The following KCNMA1 variants were observed in gnomAD, a reference collection of about 807,000 sequenced individuals.
KCNMA1 encodes the protein Calcium-activated potassium channel subunit alpha-1.
Under a neutral mutation model 140.0 loss-of-function variants are expected in KCNMA1, and 29 were observed. That is an observed-to-expected ratio of 0.21 (90% confidence interval 0.15 to 0.28). The LOEUF is 0.28. Ranked by LOEUF, KCNMA1 falls within the 10% of genes least tolerant of loss-of-function variation. KCNMA1 has a pLI of 1.00. For synonymous variants in KCNMA1, 612 were observed against 611.9 expected (o/e 1.00, Z 0.00); for missense variants, 880 against 1,602.2 (o/e 0.55, Z 7.70).
At chr10:77,217,048 T>C (rs1260050804) in intron 3 of KCNMA1, among the ~76,000 whole-genome samples, 4 of 152,200 alleles carry the variant, frequency 2.6e-5, no homozygotes, top group Non-Finnish European at 5.9e-5. Context: ...CTCACGCTTT[T>C]AATCCCAGCA....
intron 1 of KCNMA1, among the ~76,000 whole-genome samples, chr10:77,411,400 T>G (rs986218524): frequency 2.6e-5 from 4 of 152,178 alleles, no homozygotes; most frequent in Admixed American, 6.5e-5. Flanking sequence ...ATAGTACTAC[T>G]AACAATAATT....
intron 15 of KCNMA1, among the ~76,000 whole-genome samples, chr10:77,033,511 T>C (rs1325552837): frequency 6.6e-6 from 1 of 152,000 alleles, no homozygotes; most frequent in Non-Finnish European, 1.5e-5. Flanking sequence ...GACACTAGAA[T>C]TTATAAATAC....
At chr10:77,551,566 C>A in intron 1 of KCNMA1, among the ~76,000 whole-genome samples, 1 of 152,230 alleles carries the variant, frequency 6.6e-6, no homozygotes, top group East Asian at 1.9e-4. Context: ...CTCCATGTGG[C>A]CAGGAACCGT....
At chr10:77,243,548 C>G (rs144313851) in intron 3 of KCNMA1, among the ~76,000 whole-genome samples, 8 of 152,260 alleles carry the variant, frequency 5.3e-5, no homozygotes, top group African/African-American at 1.9e-4. Context: ...CCAAAGCATT[C>G]TTTTTAAGTT....
intron 2 of KCNMA1, among the ~76,000 whole-genome samples, chr10:77,397,101 C>G (rs2096080749): frequency 6.6e-6 from 1 of 152,112 alleles, no homozygotes; most frequent in South Asian, 2.1e-4. Flanking sequence ...TATGAACATG[C>G]AGAAACTAAG....
downstream of KCNMA1, chr10:76,884,837 C>G (rs2036140129): frequency 1.6e-5 from 19 of 1,175,762 alleles, no homozygotes; most frequent in South Asian, 3.6e-4. Context: ...AAACCACAAA[C>G]AGAACAATAT....
At chr10:77,594,786 A>G (rs2080294080) in intron 1 of KCNMA1, among the ~76,000 whole-genome samples, 1 of 152,224 alleles carries the variant, frequency 6.6e-6, no homozygotes, top group African/African-American at 2.4e-5. Flanking sequence ...TCTGGCCAGC[A>G]GAATGTGGGC....
intron 1 of KCNMA1, among the ~76,000 whole-genome samples, chr10:77,476,268 A>G (rs149772377): frequency 6.6e-6 from 1 of 152,332 alleles, no homozygotes; most frequent in East Asian, 1.9e-4. Context: ...CAAAGGGGAC[A>G]CATTATAAAT....
intron 23 of KCNMA1, among the ~76,000 whole-genome samples, chr10:76,933,366 G>T (rs1234826713): frequency 1.3e-5 from 2 of 152,202 alleles, no homozygotes; most frequent in African/African-American, 4.8e-5. Context: ...TGGCGAGCAT[G>T]AAGAGGTCAG....
At chr10:76,987,061 CTTT>C (rs36062874) in intron 19 of KCNMA1, among the ~76,000 whole-genome samples, 38 of 139,732 alleles carry the variant, frequency 2.7e-4, no homozygotes, top group Non-Finnish European at 3.1e-4. Context: ...AGCCTTGAGA[CTTT>C]TTTTTTTTTT....
intron 20 of KCNMA1, among the ~76,000 whole-genome samples, chr10:76,963,220 G>A (rs1328551543): frequency 6.6e-6 from 1 of 152,164 alleles, no homozygotes; most frequent in Non-Finnish European, 1.5e-5. Flanking sequence ...TCCTCTCACT[G>A]TTCTGATTCT....
intron 19 of KCNMA1, among the ~76,000 whole-genome samples, chr10:76,971,272 A>T (rs1217273834): frequency 6.6e-6 from 1 of 152,196 alleles, no homozygotes; most frequent in African/African-American, 2.4e-5. Context: ...ATCAAAAGAG[A>T]CTTGATATAT....
At chr10:77,096,889 C>A (rs995191006) in intron 9 of KCNMA1, among the ~76,000 whole-genome samples, 1 of 152,158 alleles carries the variant, frequency 6.6e-6, no homozygotes, top group African/African-American at 2.4e-5. Context: ...TCCCAAAATG[C>A]ATCTCACCAT....
intron 2 of KCNMA1, among the ~76,000 whole-genome samples, chr10:77,348,187 A>T (rs1332759028): frequency 1.1e-4 from 17 of 152,330 alleles, no homozygotes; most frequent in Non-Finnish European, 1.3e-4. Flanking sequence ...CGAGGAAACC[A>T]TCAAGAGGGA....
At chr10:77,346,747 C>T (rs937407840) in intron 2 of KCNMA1, among the ~76,000 whole-genome samples, 1 of 152,180 alleles carries the variant, frequency 6.6e-6, no homozygotes, top group Admixed American at 6.5e-5. Flanking sequence ...CAATGGGCCA[C>T]CATCTGTGGC....
intron 2 of KCNMA1, among the ~76,000 whole-genome samples, chr10:77,278,949 C>T (rs1037779160): frequency 2.0e-5 from 3 of 152,078 alleles, no homozygotes; most frequent in Non-Finnish European, 4.4e-5. Context: ...TGAAAATACA[C>T]CTGAAGATCC....
chr10:77,633,269 C>G (rs1342392058), intron 1 of KCNMA1, among the ~76,000 whole-genome samples: 1 of 151,996 alleles, frequency 6.6e-6, no homozygotes, highest in South Asian at 2.1e-4. Context: ...GAGCCAAGAT[C>G]GTGCCGCTGC....
chr10:77,604,046 C>T lies in KCNMA1; in HGVS notation c.378+33219G>A, dbSNP rs147554249. 4.2e-3 allele frequency among the ~76,000 whole-genome samples: 637 copies of T among 152,362 alleles called. 1 individual carries two copies. Among genetic ancestry groups the T allele is most frequent in the Non-Finnish European group, 6.4e-3 (434 of 68,032 alleles). On this transcript the variant is annotated intron_variant, in intron 1 of 27. Transcript: ENST00000286628. ...CTGGGGACCAACTAACACTATCTTTCCTAGGGAGCCACTGGCATCTGAGGC... is the reference window on the plus strand; with the variant it reads ...CTGGGGACCAACTAACACTATCTTTTCTAGGGAGCCACTGGCATCTGAGGC...
At chr10:77,181,769 G>A (rs2098804543) in intron 5 of KCNMA1, among the ~76,000 whole-genome samples, 1 of 151,966 alleles carries the variant, frequency 6.6e-6, no homozygotes, top group Admixed American at 6.6e-5. Flanking sequence ...GAGAAAATAA[G>A]GAGGAATCAG....
Sources: gnomAD v4.1 joint callset for allele counts (sites outside exome capture counted in the v4.1 genomes callset) on GRCh38, gnomAD v4.1.1 for gene constraint, MANE v1.5 for transcripts, NCBI Gene and HGNC (gene_info 2026-07-23, HGNC 2026-07-21) for gene names.